The following LEPR variants were observed in gnomAD, a reference collection of about 807,000 sequenced individuals.
LEPR encodes leptin receptor, also known as OB receptor.
In LEPR, 56 loss-of-function variants were observed where a neutral mutation model predicts 114.7. That is an observed-to-expected ratio of 0.49 (90% CI 0.39 to 0.61). The LOEUF is 0.61. LEPR is among the 20% of genes least tolerant of loss of function. The pLI, the probability that LEPR is intolerant of heterozygous loss-of-function variation, is 0.00. For synonymous variants in LEPR, 443 were observed against 461.4 expected (o/e 0.96, Z 0.51); for missense variants, 1,202 against 1,352.9 (o/e 0.89, Z 1.75).
At chr1:65,434,542 C>T (rs1646532513) in intron 2 of LEPR, 2 of 985,170 alleles carry the variant, frequency 2.0e-6, no homozygotes, top group African/African-American at 3.5e-5. Context: ...CCTCCCTCAA[C>T]AGGTTCAACT....
chr1:65,565,752 C>T (rs1027394777), intron 3 of LEPR, 147 bp downstream of exon 3: 2 of 1,109,212 alleles, frequency 1.8e-6, no homozygotes, highest in African/African-American at 3.1e-5. Context: ...AAATGCAAAC[C>T]ATAGTATAGG....
chr1:65,487,051 A>G (rs1212621742), intron 2 of LEPR, among the ~76,000 whole-genome samples: 1 of 152,210 alleles, frequency 6.6e-6, no homozygotes, highest in Non-Finnish European at 1.5e-5. Flanking sequence ...CTTGACTCAT[A>G]TTCTGCACAC....
rs1484546920 is a variant in LEPR, at chr1:65,507,575, A to T, written c.-20-57971A>T. Among the ~76,000 whole-genome samples, 4 of 150,134 alleles carry T rather than the reference A, an allele frequency of 2.7e-5. No homozygotes were observed. In the East Asian group the frequency reaches 7.8e-4, roughly 29 times the overall value. ...TACACACACACACAACATTAAAAAAAATCCATTCATTTGTTGATGAACACT... is the reference window on the plus strand; with the variant it reads ...TACACACACACACAACATTAAAAAATATCCATTCATTTGTTGATGAACACT... On this transcript the variant is annotated intron_variant, in intron 2 of 19. Coordinates refer to ENST00000349533, the MANE Select transcript of LEPR (RefSeq NM_002303.6).
intron 2 of LEPR, among the ~76,000 whole-genome samples, chr1:65,441,346 C>T (rs1404744272): frequency 6.6e-6 from 1 of 152,110 alleles, no homozygotes; most frequent in Non-Finnish European, 1.5e-5. Context: ...CTGAAACATA[C>T]AGGTGGTGAC....
intron 2 of LEPR, among the ~76,000 whole-genome samples, chr1:65,509,821 A>AT (rs936632116): frequency 2.6e-5 from 4 of 151,968 alleles, no homozygotes; most frequent in African/African-American, 4.8e-5. Context: ...TTTCCAATTC[A>AT]TTTTTTTCCT....
chr1:65,576,537 A>G (rs139569528), intron 5 of LEPR: 1 of 154,212 alleles, frequency 6.5e-6, no homozygotes, highest in East Asian at 1.9e-4. Context: ...CTCTACTGAT[A>G]AAAGTGGGTT....
At chr1:65,613,272 C>T (rs935172704) in intron 14 of LEPR, among the ~76,000 whole-genome samples, 7 of 152,062 alleles carry the variant, frequency 4.6e-5, no homozygotes, top group East Asian at 1.9e-4. Context: ...GACATGCCCC[C>T]GTCATTGTGG....
intron 2 of LEPR, among the ~76,000 whole-genome samples, chr1:65,555,074 G>A (rs1370864771): frequency 6.6e-6 from 1 of 152,070 alleles, no homozygotes; most frequent in Admixed American, 6.5e-5. Context: ...GAGATGAGCC[G>A]GGTACCTCAG....
Position 65,488,107 on chromosome 1 carries a change from C to CTCTTTCTTTCTTTCTTTCTT in LEPR, c.-21+62732_-21+62751dup, listed in dbSNP as rs1202835041. Reference sequence around the variant, plus strand: ...TCTTCCTTTCTTTCCTTCTTTCTTTCTCTTTCTTTCTTTCTTTCTTTCCCT... The same window carrying CTCTTTCTTTCTTTCTTTCTT: ...TCTTCCTTTCTTTCCTTCTTTCTTTCTCTTTCTTTCTTTCTTTCTTTCTTTCTTTCTTTCTTTCTTTCCCT... On this transcript the variant is annotated intron_variant, in intron 2 of 19. Coordinates refer to ENST00000349533, the MANE Select transcript of LEPR (RefSeq NM_002303.6). Among the ~76,000 whole-genome samples, 27 of 121,600 alleles carry CTCTTTCTTTCTTTCTTTCTT rather than the reference C, an allele frequency of 2.2e-4. 1 individual carries two copies. Among genetic ancestry groups the CTCTTTCTTTCTTTCTTTCTT allele is most frequent in the African/African-American group, 7.9e-4 (22 of 27,966 alleles). 79.8% of individuals were successfully genotyped at this position (121,600 alleles called of 152,430 possible). A position where few individuals can be genotyped will look rare whatever the true frequency, so the allele number is the denominator to read the frequency against.
Position 65,571,791 on chromosome 1 carries a change from CAAAAAAAA to C in LEPR, c.371-513_371-506del, listed in dbSNP as rs34139057. 9.4e-3 allele frequency among the ~76,000 whole-genome samples: 690 copies of C among 73,666 alleles called. 7 individuals carry two copies. The highest frequency in any genetic ancestry group is 0.032 in the Middle Eastern group (5 of 156). The allele number at this position is 73,666 out of a possible 152,430, so 48.3% of individuals were successfully genotyped here. ...CAACATAATGAAACCCCATCTCTAC[CAAAAAAAA>C]AAAAAAAAAAAAAAAAAAAAATTAA... is the stretch of plus-strand genomic sequence containing the variant. On this transcript the variant is annotated intron_variant, in intron 4 of 19. Transcript: ENST00000349533.
chr1:65,514,087 A>G (rs181777768), intron 2 of LEPR, among the ~76,000 whole-genome samples: 121 of 152,364 alleles, frequency 7.9e-4, no homozygotes, highest in Admixed American at 2.1e-3. Flanking sequence ...CTTGGGGTTA[A>G]GTAATTTTTG....
intron 2 of LEPR, among the ~76,000 whole-genome samples, chr1:65,455,869 C>T (rs561518136): frequency 6.6e-6 from 1 of 152,310 alleles, no homozygotes; most frequent in African/African-American, 2.4e-5. Flanking sequence ...TGGTGGGCGC[C>T]CCTCCCCCAG....
In LEPR at chr1:65,487,739, G is replaced by GCT. The variant is rs1353647667; in HGVS notation, c.-21+62361_-21+62362insCT. ...TTAAAATTATCTTAGGTACATAATA[G>GCT]GTATATATATATTTATGGGCACATG... On this transcript the variant is annotated intron_variant, in intron 2 of 19. Coordinates refer to ENST00000349533, the MANE Select transcript of LEPR (RefSeq NM_002303.6). Among the ~76,000 whole-genome samples the GCT allele has an allele frequency of 1.3e-4, 19 of 151,622 alleles. 1 individual carries two copies. Among genetic ancestry groups the GCT allele is most frequent in the South Asian group, 4.1e-4 (2 of 4,822 alleles).
At position 65,576,365 on chromosome 1, in the gene LEPR, G is replaced by C. The variant is rs553757643; in HGVS notation, c.494+3916G>C. ...AGAAGATGGTTTAAAACCAATTCAT[G>C]CTCTTCATTATAAATCCAGATCTGA... On this transcript the variant is annotated intron_variant, in intron 5 of 19. Coordinates refer to ENST00000349533, the MANE Select transcript of LEPR (RefSeq NM_002303.6). 135 of 152,860 alleles carry C rather than the reference G, an allele frequency of 8.8e-4. 1 individual carries two copies. Among genetic ancestry groups the C allele is most frequent in the Non-Finnish European group, 6.4e-4 (44 of 68,330 alleles). 9.5% of individuals were successfully genotyped at this position (152,860 alleles called of 1,614,324 possible).
At chr1:65,543,091 G>A (rs879371973) in intron 2 of LEPR, among the ~76,000 whole-genome samples, 10 of 152,078 alleles carry the variant, frequency 6.6e-5, no homozygotes, top group South Asian at 2.1e-4. Context: ...GTGTAAAAGC[G>A]TTCCTATTTC....
At chr1:65,444,863 C>T (rs923824856) in intron 2 of LEPR, among the ~76,000 whole-genome samples, 1 of 152,108 alleles carries the variant, frequency 6.6e-6, no homozygotes, top group Admixed American at 6.6e-5. Context: ...CAATTAGGTC[C>T]ATATAACAAT....
chr1:65,602,000 A>G lies in LEPR; in HGVS notation c.1403+40A>G, dbSNP rs371078723. 2.6e-6 allele frequency: 4 copies of G among 1,529,128 alleles called. No individual in the cohort carries two copies. In the African/African-American group the frequency reaches 4.1e-5, roughly 16 times the overall value. The allele number at this position is 1,529,128 out of a possible 1,614,324, so 94.7% of individuals were successfully genotyped here. A position where few individuals can be genotyped will look rare whatever the true frequency, so the allele number is the denominator to read the frequency against. On this transcript the variant is annotated intron_variant, in intron 10 of 19. Coordinates refer to ENST00000349533, the MANE Select transcript of LEPR (RefSeq NM_002303.6). ...TGCTGTTTTGTTTTTCTGTGGGCACAGTGAGATAAAAATTTTCTTTAGAAA... is the reference window on the plus strand; with the variant it reads ...TGCTGTTTTGTTTTTCTGTGGGCACGGTGAGATAAAAATTTTCTTTAGAAA...
At chr1:65,540,029 T>A (rs1319896047) in intron 2 of LEPR, among the ~76,000 whole-genome samples, 1 of 152,156 alleles carries the variant, frequency 6.6e-6, no homozygotes, top group African/African-American at 2.4e-5. Context: ...CAAAGTTCAT[T>A]TCAGTTGTTT....
chr1:65,452,940 G>A lies in LEPR; in HGVS notation c.-21+27562G>A, dbSNP rs575367826. On this transcript the variant is annotated intron_variant, in intron 2 of 19. Transcript: ENST00000349533. Reference sequence around the variant, plus strand: ...CTTTTTGGTTGGTAAGCTATTGATTGTTGCCACAATTTCAGATCCTGTTAT... The same window carrying A: ...CTTTTTGGTTGGTAAGCTATTGATTATTGCCACAATTTCAGATCCTGTTAT... Among the ~76,000 whole-genome samples the A allele has an allele frequency of 1.3e-3, 203 of 152,230 alleles. 1 individual carries two copies. The highest frequency in any genetic ancestry group is 2.3e-3 in the Non-Finnish European group (157 of 68,004).
Sources: allele counts gnomAD v4.1 joint callset (sites outside exome capture counted in the v4.1 genomes callset), GRCh38; gene constraint gnomAD v4.1.1; transcripts MANE v1.5; gene names NCBI Gene and HGNC (gene_info 2026-07-23, HGNC 2026-07-21).